The following PARN variants were observed in gnomAD, a reference collection of about 807,000 sequenced individuals.
PARN encodes the protein poly(A)-specific ribonuclease.
A neutral mutation model predicts 102.8 loss-of-function variants in PARN; 71 were observed. That is an observed-to-expected ratio of 0.69 (90% CI 0.57 to 0.84). The LOEUF (loss-of-function observed/expected upper bound fraction) is 0.84, where lower values mean the gene tolerates loss of function less well. Among genes scored for constraint, PARN ranks in the 40% least tolerant of loss-of-function variants. PARN has a pLI of 0.00. For missense variants in PARN, 782 were observed against 760.9 expected (o/e 1.03, Z -0.33); for synonymous variants, 261 against 252.9 (o/e 1.03, Z -0.30).
At position 14,627,206 on chromosome 16, in the gene PARN, A is replaced by G. The variant is rs754518369; in HGVS notation, c.246-19T>C. ...TATATACCTGGGATAAGATAAAAGG[A>G]GACTTAGGAGGTGACATTGTGCCAC... On this transcript the variant is annotated intron_variant, in intron 4 of 23. Coordinates refer to ENST00000437198, the MANE Select transcript of PARN (RefSeq NM_002582.4). The G allele has an allele frequency of 5.1e-6, 8 of 1,575,348 alleles. No individual in the cohort carries two copies. The highest frequency in any genetic ancestry group is 4.4e-6 in the Non-Finnish European group (5 of 1,149,310).
chr16:14,485,591 C>T (rs573589469), intron 21 of PARN, among the ~76,000 whole-genome samples: 5 of 152,134 alleles, frequency 3.3e-5, no homozygotes, highest in Non-Finnish European at 7.4e-5. Context: ...ATTGGTTCTA[C>T]CATCATTATT....
intron 21 of PARN, among the ~76,000 whole-genome samples, chr16:14,534,291 A>C (rs947957686): frequency 6.6e-6 from 1 of 152,082 alleles, no homozygotes; most frequent in African/African-American, 2.4e-5. Flanking sequence ...CCATTGTTTC[A>C]AAAATCTTGC....
chr16:14,608,848 C>T (rs1338298687), intron 8 of PARN, among the ~76,000 whole-genome samples: 1 of 152,178 alleles, frequency 6.6e-6, no homozygotes, highest in Non-Finnish European at 1.5e-5. Context: ...TTTCTCCGCT[C>T]CAAGTACAGG....
intron 16 of PARN, among the ~76,000 whole-genome samples, 191 bp from the exon 17 acceptor site, chr16:14,582,482 G>A (rs998887727): frequency 1.3e-5 from 2 of 152,080 alleles, no homozygotes; most frequent in African/African-American, 2.4e-5. Context: ...GGAGGGCTTT[G>A]GTCTAGGATA....
intron 18 of PARN, among the ~76,000 whole-genome samples, chr16:14,563,476 TTGTGTGTGTGTGTGTGTG>T (rs56099416): frequency 6.3e-4 from 91 of 143,758 alleles, no homozygotes; most frequent in East Asian, 2.1e-3. Flanking sequence ...GAAAATTCCT[TTGTGTGTGTGTGTGTGTG>T]TGTGTGTGTG....
chr16:14,559,481 G>A (rs547282166), intron 18 of PARN, among the ~76,000 whole-genome samples: 1 of 151,840 alleles, frequency 6.6e-6, no homozygotes, highest in East Asian at 1.9e-4. Flanking sequence ...TGTTTGGATA[G>A]AGGCATGCAA....
chr16:14,551,123 G>C (rs920851442), intron 21 of PARN, among the ~76,000 whole-genome samples: 2 of 151,522 alleles, frequency 1.3e-5, no homozygotes, highest in African/African-American at 2.4e-5. Context: ...GTAGAGATAG[G>C]GTTTCACCTT....
intron 16 of PARN, 85 bp from the exon 17 acceptor site, chr16:14,582,376 C>T: frequency 1.2e-6 from 1 of 851,212 alleles, no homozygotes; most frequent in Non-Finnish European, 2.0e-6. Flanking sequence ...TTAGCATATG[C>T]TAGAGAAATA....
chr16:14,447,355 G>A (rs538731587), intron 22 of PARN, among the ~76,000 whole-genome samples: 2 of 152,274 alleles, frequency 1.3e-5, no homozygotes, highest in African/African-American at 2.4e-5. Flanking sequence ...GAACAAATCC[G>A]TAAAGTAGCC....
At chr16:14,580,987 A>G (rs1596738657) in intron 17 of PARN, 44 bp from the exon 18 acceptor site, 1 of 1,208,664 alleles carries the variant, frequency 8.3e-7, no homozygotes, top group South Asian at 1.2e-5. Context: ...ATAGTCACAT[A>G]GACCAAGCCT....
chr16:14,584,304 T>C (rs770989931), intron 16 of PARN, 43 bp downstream of exon 16: 3 of 1,319,604 alleles, frequency 2.3e-6, no homozygotes, highest in African/African-American at 2.9e-5. Flanking sequence ...ACATCAATAA[T>C]TATTACAAAG....
chr16:14,541,114 A>G (rs532954977), intron 21 of PARN, among the ~76,000 whole-genome samples: 1 of 151,550 alleles, frequency 6.6e-6, no homozygotes, highest in Admixed American at 6.6e-5. Flanking sequence ...ATCATGGCGA[A>G]ACATCTTTTT....
At chr16:14,602,850 C>A (rs1400099359) in intron 11 of PARN, among the ~76,000 whole-genome samples, 2 of 152,038 alleles carry the variant, frequency 1.3e-5, no homozygotes, top group African/African-American at 2.4e-5. Flanking sequence ...AGTATCAAAG[C>A]CCTGAGCTGC....
intron 21 of PARN, among the ~76,000 whole-genome samples, chr16:14,509,379 G>A (rs1015026536): frequency 6.6e-6 from 1 of 152,216 alleles, no homozygotes; most frequent in African/African-American, 2.4e-5. Flanking sequence ...GAGGTGAAGA[G>A]AAGGGAAAGA....
At chr16:14,454,281 G>A (rs1453925271) in intron 22 of PARN, among the ~76,000 whole-genome samples, 1 of 152,168 alleles carries the variant, frequency 6.6e-6, no homozygotes, top group African/African-American at 2.4e-5. Context: ...AGGAGTTCAA[G>A]ACCAGCCTGG....
intron 21 of PARN, among the ~76,000 whole-genome samples, chr16:14,525,174 C>G (rs1172228618): frequency 1.3e-5 from 2 of 152,100 alleles, no homozygotes; most frequent in Admixed American, 6.5e-5. Flanking sequence ...AGTTCTTAAG[C>G]TAGTAAATGC....
At chr16:14,466,303 T>C (rs772327248) in intron 22 of PARN, among the ~76,000 whole-genome samples, 88 of 152,356 alleles carry the variant, frequency 5.8e-4, no homozygotes, top group Non-Finnish European at 9.7e-4. Context: ...TATTTGGCTT[T>C]TAAAGACAAT....
At chr16:14,550,490 G>A (rs934421605) in intron 21 of PARN, among the ~76,000 whole-genome samples, 1 of 152,150 alleles carries the variant, frequency 6.6e-6, no homozygotes, top group Middle Eastern at 3.2e-3. Context: ...ATAAGCAGAA[G>A]TTCATCAAGG....
intron 21 of PARN, among the ~76,000 whole-genome samples, chr16:14,510,027 A>G (rs1163966962): frequency 3.9e-5 from 6 of 152,334 alleles, no homozygotes; most frequent in Admixed American, 3.9e-4. Flanking sequence ...CCCCAACAGA[A>G]CAATGGCAAA....
Sources: allele counts gnomAD v4.1 joint callset (sites outside exome capture counted in the v4.1 genomes callset), GRCh38; gene constraint gnomAD v4.1.1; transcripts MANE v1.5; gene names NCBI Gene and HGNC (gene_info 2026-07-23, HGNC 2026-07-21).